Variants in CHRM2 observed in about 807,000 individuals in gnomAD.
CHRM2 encodes cholinergic receptor muscarinic 2.
A neutral mutation model predicts 25.0 loss-of-function variants in CHRM2; 8 were observed. The observed-to-expected ratio is 0.32, with a 90% confidence interval of 0.19 to 0.58. The LOEUF is 0.58. Among genes scored for constraint, CHRM2 ranks in the 20% least tolerant of loss-of-function variants. The probability of loss-of-function intolerance (pLI) is 0.88; values close to 1 mark genes in which losing one functional copy is unlikely to be tolerated. For missense variants in CHRM2, 440 were observed against 567.1 expected (o/e 0.78, Z 2.28); for synonymous variants, 202 against 205.7 (o/e 0.98, Z 0.15).
rs75072377 is a variant in CHRM2 at position 136,949,181 on chromosome 7, T to C, written c.-124-43006T>C. Reference sequence around the variant, plus strand: ...AAAGGAATCAGAAACTAATATTTAATACACTACAGATAAATTATTTAATCT... The same window carrying C: ...AAAGGAATCAGAAACTAATATTTAACACACTACAGATAAATTATTTAATCT... On this transcript the variant is annotated intron_variant, in intron 2 of 3. Coordinates refer to ENST00000680005, the MANE Select transcript of CHRM2 (RefSeq NM_001006630.2). Among the ~76,000 whole-genome samples the C allele has an allele frequency of 7.9e-5, 12 of 152,290 alleles. No individual in the cohort carries two copies. In the East Asian group the frequency reaches 2.1e-3, roughly 27 times the overall value.
At chr7:136,871,331 G>C (rs1032893847) in intron 2 of CHRM2, 1 of 152,310 alleles carries the variant, frequency 6.6e-6, no homozygotes, top group Non-Finnish European at 1.5e-5. Flanking sequence ...CCCGCGTCTC[G>C]CCCCGCCCCG....
At chr7:136,980,809 A>G (rs866685371) in intron 2 of CHRM2, among the ~76,000 whole-genome samples, 24 of 152,188 alleles carry the variant, frequency 1.6e-4, no homozygotes, top group Non-Finnish European at 3.2e-4. Context: ...ATCATAGTGG[A>G]TAAGCTTTTT....
intron 2 of CHRM2, among the ~76,000 whole-genome samples, chr7:136,885,178 T>G (rs1394793406): frequency 6.6e-6 from 1 of 152,262 alleles, no homozygotes; most frequent in African/African-American, 2.4e-5. Context: ...ATGGCAATTC[T>G]GTGACAGTTT....
At chr7:136,944,212 C>T (rs2130828090) in intron 2 of CHRM2, among the ~76,000 whole-genome samples, 1 of 152,170 alleles carries the variant, frequency 6.6e-6, no homozygotes, top group East Asian at 1.9e-4. Context: ...ACACTGTACC[C>T]AATGTGTCGT....
intron 2 of CHRM2, among the ~76,000 whole-genome samples, chr7:136,922,808 G>GT (rs896809525): frequency 6.6e-6 from 1 of 152,122 alleles, no homozygotes; most frequent in Non-Finnish European, 1.5e-5. Context: ...ATGTTGCATT[G>GT]TTTTTTCTTC....
chr7:136,874,583 C>T (rs906390696), intron 2 of CHRM2, among the ~76,000 whole-genome samples: 20 of 142,900 alleles, frequency 1.4e-4, no homozygotes, highest in Non-Finnish European at 3.0e-5. Flanking sequence ...CCTCTCTCCC[C>T]TCTTCCCTCC....
chr7:136,922,741 A>G (rs1798519112), intron 2 of CHRM2, among the ~76,000 whole-genome samples: 1 of 152,172 alleles, frequency 6.6e-6, no homozygotes, highest in Non-Finnish European at 1.5e-5. Flanking sequence ...TTCCTGAGCA[A>G]CTAGGAGCAA....
chr7:136,894,403 G>T (rs1286736820), intron 2 of CHRM2, among the ~76,000 whole-genome samples: 1 of 151,930 alleles, frequency 6.6e-6, no homozygotes, highest in African/African-American at 2.4e-5. Flanking sequence ...CAGGAGTCTC[G>T]CTTTGTTACC....
chr7:136,949,898 G>A (rs1800302006), intron 2 of CHRM2, among the ~76,000 whole-genome samples: 1 of 151,988 alleles, frequency 6.6e-6, no homozygotes, highest in Non-Finnish European at 1.5e-5. Flanking sequence ...GGAATTAGTA[G>A]GTACAAAATT....
intron 2 of CHRM2, among the ~76,000 whole-genome samples, chr7:136,971,969 A>C (rs1801803878): frequency 6.6e-6 from 1 of 152,210 alleles, no homozygotes; most frequent in Non-Finnish European, 1.5e-5. Flanking sequence ...AACTGAAATA[A>C]CTATTTGAAA....
chr7:136,897,914 C>T (rs957491964), intron 2 of CHRM2, among the ~76,000 whole-genome samples: 9 of 152,082 alleles, frequency 5.9e-5, no homozygotes, highest in African/African-American at 2.2e-4. Flanking sequence ...TCATCTCTAT[C>T]CAAATCAACA....
In CHRM2 at chr7:137,014,705, T is replaced by C. The variant is rs2131129487; in HGVS notation, c.-46-115T>C. The C allele has an allele frequency of 5.6e-6, 4 of 711,696 alleles. No homozygotes were observed. The South Asian group carries it at 7.4e-5, about 13-fold the overall frequency. 44.1% of individuals were successfully genotyped at this position (711,696 alleles called of 1,614,324 possible). A position where few individuals can be genotyped will look rare whatever the true frequency, so the allele number is the denominator to read the frequency against. On this transcript the variant is annotated intron_variant, in intron 3 of 3. Transcript: ENST00000680005. ...TTGAGGCAGGTAGACACAGTAATCATGCAGGGGAAGGGAGATTTGGGAGAA... is the reference window on the plus strand; with the variant it reads ...TTGAGGCAGGTAGACACAGTAATCACGCAGGGGAAGGGAGATTTGGGAGAA...
chr7:136,927,923 T>C (rs73158738), intron 2 of CHRM2, among the ~76,000 whole-genome samples: 36,345 of 152,072 alleles, frequency 0.24, 5,720 homozygotes, highest in Non-Finnish European at 0.35. Flanking sequence ...ATTATGAAAT[T>C]TGGAGTATTT....
chr7:136,880,898 T>C (rs1435980364), intron 2 of CHRM2, among the ~76,000 whole-genome samples: 2 of 151,858 alleles, frequency 1.3e-5, no homozygotes, highest in Non-Finnish European at 2.9e-5. Flanking sequence ...CTTCCCCTTT[T>C]GAGTAAGGCT....
intron 2 of CHRM2, among the ~76,000 whole-genome samples, chr7:136,912,563 C>T (rs1489280481): frequency 6.6e-6 from 1 of 151,746 alleles, no homozygotes; most frequent in East Asian, 1.9e-4. Flanking sequence ...GTCGTCAGGA[C>T]ATGTAAAAGG....
intron 2 of CHRM2, chr7:136,938,407 T>G: frequency 6.5e-7 from 1 of 1,549,268 alleles, no homozygotes; most frequent in Non-Finnish European, 8.9e-7. Flanking sequence ...GAACCGTACC[T>G]TGTCTATGAA....
In CHRM2 at chr7:136,956,909, G is replaced by A. The variant is rs149199082; in HGVS notation, c.-124-35278G>A. Among the ~76,000 whole-genome samples, 693 of 151,690 alleles carry A rather than the reference G, an allele frequency of 4.6e-3. 9 individuals carry two copies. Among genetic ancestry groups the A allele is most frequent in the African/African-American group, 0.016 (659 of 41,318 alleles). On this transcript the variant is annotated intron_variant, in intron 2 of 3. Transcript: ENST00000680005. ...CAATAGGGTGAGGACCTCTCTTCCCGCTGACTCCTTAGCAAACACGCTTGA... is the reference window on the plus strand; with the variant it reads ...CAATAGGGTGAGGACCTCTCTTCCCACTGACTCCTTAGCAAACACGCTTGA...
chr7:136,932,661 T>C (rs1393203429), intron 2 of CHRM2, among the ~76,000 whole-genome samples: 1 of 152,214 alleles, frequency 6.6e-6, no homozygotes, highest in Admixed American at 6.5e-5. Context: ...GTTAAAATTA[T>C]ATTAATAAAG....
chr7:136,875,665 A>G (rs1796025947), intron 2 of CHRM2, among the ~76,000 whole-genome samples: 1 of 152,178 alleles, frequency 6.6e-6, no homozygotes, highest in Non-Finnish European at 1.5e-5. Flanking sequence ...TCTCCTGTTT[A>G]AAATTCTTCA....
Sources: allele counts gnomAD v4.1 joint callset (sites outside exome capture counted in the v4.1 genomes callset), GRCh38; gene constraint gnomAD v4.1.1; transcripts MANE v1.5; gene names NCBI Gene and HGNC (gene_info 2026-07-23, HGNC 2026-07-21).